The following CLSTN2 variants were observed in gnomAD, a reference collection of about 807,000 sequenced individuals.
CLSTN2 encodes the protein calsyntenin 2.
In CLSTN2, 48 loss-of-function variants were observed where a neutral mutation model predicts 101.2. The ratio of observed to expected loss-of-function variants is 0.47; its 90% CI spans 0.38 to 0.60. The LOEUF (loss-of-function observed/expected upper bound fraction) is 0.60. CLSTN2 is among the 20% of genes least tolerant of loss of function. The pLI, the probability that CLSTN2 is intolerant of heterozygous loss-of-function variation, is 0.00. For synonymous variants in CLSTN2, 481 were observed against 463.6 expected, an observed-to-expected ratio of 1.04 and a Z score of -0.48; for missense variants, 1,160 against 1,238.2, an observed-to-expected ratio of 0.94 and a Z score of 0.95.
chr3:140,027,815 G>C (rs1460903675), intron 1 of CLSTN2, among the ~76,000 whole-genome samples: 1 of 152,176 alleles, frequency 6.6e-6, no homozygotes, highest in African/African-American at 2.4e-5. Context: ...TAACCCAGAG[G>C]GGACAAAAGA....
rs200115729 is a variant in CLSTN2 at position 140,516,550 on chromosome 3, A to T, written c.1345-15774A>T. Among the ~76,000 whole-genome samples the T allele has an allele frequency of 6.2e-3, 881 of 142,742 alleles. 10 individuals are homozygous for T. The highest frequency in any genetic ancestry group is 0.036 in the East Asian group (176 of 4,948). 93.6% of individuals were successfully genotyped at this position (142,742 alleles called of 152,430 possible). A position where few individuals can be genotyped will look rare whatever the true frequency, so the allele number is the denominator to read the frequency against. ...ATTGGTAGTAGTGAATTCTTTTGGC[A>T]TTTTTTTTTTTCTTTTTGTCTGAAA... On this transcript the variant is annotated intron_variant, in intron 8 of 16. Coordinates refer to ENST00000458420, the MANE Select transcript of CLSTN2 (RefSeq NM_022131.3).
At chr3:140,280,780 G>A (rs902560049) in intron 2 of CLSTN2, among the ~76,000 whole-genome samples, 1 of 152,196 alleles carries the variant, frequency 6.6e-6, no homozygotes, top group African/African-American at 2.4e-5. Flanking sequence ...GGGCACTGGG[G>A]AAGGTGGGAG....
chr3:140,541,548 G>A (rs113451916), intron 9 of CLSTN2, among the ~76,000 whole-genome samples: 1,736 of 152,222 alleles, frequency 0.011, 34 homozygotes, highest in African/African-American at 0.04. Flanking sequence ...GGCAGCTGTC[G>A]GGATTACCTT....
intron 1 of CLSTN2, among the ~76,000 whole-genome samples, chr3:139,960,839 T>A (rs1935495653): frequency 6.6e-6 from 1 of 152,200 alleles, no homozygotes; most frequent in Admixed American, 6.5e-5. Context: ...CATTTAGAAC[T>A]GCTGCAAAGA....
At chr3:139,953,931 T>TTGTGTG (rs145225696) in intron 1 of CLSTN2, among the ~76,000 whole-genome samples, 1,800 of 147,490 alleles carry the variant, frequency 0.012, 22 homozygotes, top group East Asian at 0.04. Flanking sequence ...GTGTGTGTGT[T>TTGTGTG]TGTGTGTGTG....
chr3:140,163,854 G>A (rs2010090478), intron 1 of CLSTN2, among the ~76,000 whole-genome samples: 1 of 151,782 alleles, frequency 6.6e-6, no homozygotes, highest in South Asian at 2.1e-4. Context: ...CCTCAGGAGT[G>A]GTGGCTTCTG....
At chr3:140,424,363 C>G (rs1431570205) in intron 5 of CLSTN2, among the ~76,000 whole-genome samples, 2 of 152,184 alleles carry the variant, frequency 1.3e-5, no homozygotes, top group Admixed American at 1.3e-4. Flanking sequence ...GCATTCCTGT[C>G]CCAGCTCCCA....
intron 2 of CLSTN2, among the ~76,000 whole-genome samples, chr3:140,322,549 C>T (rs1270068624): frequency 2.6e-5 from 4 of 152,210 alleles, no homozygotes; most frequent in African/African-American, 4.8e-5. Flanking sequence ...GAAATTTCTA[C>T]AGCAGATGTC....
At chr3:139,974,734 T>A (rs1305454874) in intron 1 of CLSTN2, among the ~76,000 whole-genome samples, 1 of 152,190 alleles carries the variant, frequency 6.6e-6, no homozygotes, top group Non-Finnish European at 1.5e-5. Flanking sequence ...ACAATAATAT[T>A]CTTCTCTTTC....
At chr3:140,185,160 A>T (rs1472813222) in intron 2 of CLSTN2, among the ~76,000 whole-genome samples, 1 of 152,128 alleles carries the variant, frequency 6.6e-6, no homozygotes, top group Non-Finnish European at 1.5e-5. Flanking sequence ...ACTTGGCAAG[A>T]GTCTGCAGAA....
At chr3:140,193,437 T>C (rs751037340) in intron 2 of CLSTN2, among the ~76,000 whole-genome samples, 1 of 151,940 alleles carries the variant, frequency 6.6e-6, no homozygotes, top group Non-Finnish European at 1.5e-5. Flanking sequence ...GAAAATTCTT[T>C]TCTTTCACCA....
At position 140,343,040 on chromosome 3, in the gene CLSTN2, T is replaced by A. The variant is rs531074161; in HGVS notation, c.233-60589T>A. On this transcript the variant is annotated intron_variant, in intron 2 of 16. Transcript: ENST00000458420. The stretch of plus-strand genomic sequence containing the variant: ...ACGGGAGGAGTAGTCAAAGTCACAT[T>A]GTATGAAGAGCACATAGGCAGGGTA... 5.3e-5 allele frequency among the ~76,000 whole-genome samples: 8 copies of A among 152,276 alleles called. No homozygotes were observed. The South Asian group carries it at 1.7e-3, about 32-fold the overall frequency.
chr3:140,517,887 A>G (rs1255354461), intron 8 of CLSTN2, among the ~76,000 whole-genome samples: 2 of 152,140 alleles, frequency 1.3e-5, no homozygotes, highest in African/African-American at 4.8e-5. Flanking sequence ...TAGAGCTCCC[A>G]AGGGATTATT....
intron 1 of CLSTN2, among the ~76,000 whole-genome samples, chr3:140,171,862 A>T (rs1423698912): frequency 8.2e-6 from 1 of 121,864 alleles, no homozygotes; most frequent in African/African-American, 3.1e-5. Context: ...TATATTATAT[A>T]ATAACAATAT....
intron 2 of CLSTN2, among the ~76,000 whole-genome samples, chr3:140,358,149 G>A (rs1361937474): frequency 1.3e-5 from 2 of 152,114 alleles, no homozygotes; most frequent in African/African-American, 2.4e-5. Flanking sequence ...TCCTCGACTT[G>A]GAATTCTGTG....
intron 2 of CLSTN2, among the ~76,000 whole-genome samples, chr3:140,177,621 C>T (rs1200308539): frequency 6.6e-6 from 1 of 151,958 alleles, no homozygotes; most frequent in Non-Finnish European, 1.5e-5. Context: ...CAGAACCCAT[C>T]TCTACAAAAT....
chr3:140,265,306 G>T (rs974868992), intron 2 of CLSTN2, among the ~76,000 whole-genome samples: 7 of 152,148 alleles, frequency 4.6e-5, no homozygotes, highest in African/African-American at 1.7e-4. Flanking sequence ...CAATGCACAG[G>T]GGGGCTGAGA....
intron 10 of CLSTN2, among the ~76,000 whole-genome samples, chr3:140,547,579 C>A (rs1935620570): frequency 6.6e-6 from 1 of 152,154 alleles, no homozygotes; most frequent in Non-Finnish European, 1.5e-5. Context: ...CTCAGAGAAG[C>A]AAAGCTTCTT....
At chr3:140,556,432 C>A in intron 10 of CLSTN2, 81 bp from the exon 11 acceptor site, 1 of 1,393,778 alleles carries the variant, frequency 7.2e-7, no homozygotes, top group Non-Finnish European at 1.0e-6. Context: ...CCTTGGTGCC[C>A]TGTATGGACA....
Sources: gnomAD v4.1 joint callset for allele counts (sites outside exome capture counted in the v4.1 genomes callset) on GRCh38, gnomAD v4.1.1 for gene constraint, MANE v1.5 for transcripts, NCBI Gene and HGNC (gene_info 2026-07-23, HGNC 2026-07-21) for gene names.